ARHGEF38: variants seen among roughly 807,000 people sequenced by gnomAD.
ARHGEF38 encodes Rho guanine nucleotide exchange factor (GEF) 38.
ARHGEF38 carries 79 observed loss-of-function variants against 79.9 expected under a neutral mutation model. The observed-to-expected ratio is 0.99, with a 90% CI of 0.82 to 1.19. ARHGEF38 has a LOEUF of 1.19. ARHGEF38 is among the 50% of genes most tolerant of loss of function. The probability of loss-of-function intolerance (pLI) is 0.00; values close to 1 mark genes in which losing one functional copy is unlikely to be tolerated. For synonymous variants in ARHGEF38, 366 were observed against 328.3 expected, an observed-to-expected ratio of 1.11 and a Z score of -1.24; for missense variants, 962 against 907.2, an observed-to-expected ratio of 1.06 and a Z score of -0.78.
At position 105,609,980 on chromosome 4, in the gene ARHGEF38, G is replaced by A. The variant is rs577702649; in HGVS notation, c.385-3404G>A. Among the ~76,000 whole-genome samples the A allele has an allele frequency of 4.3e-3, 650 of 152,148 alleles. 8 individuals are homozygous for A. Among genetic ancestry groups the A allele is most frequent in the African/African-American group, 0.015 (603 of 41,536 alleles). On this transcript the variant is annotated intron_variant, in intron 2 of 13. Coordinates refer to ENST00000420470, the MANE Select transcript of ARHGEF38 (RefSeq NM_001242729.2). Reference sequence around the variant, plus strand: ...CCCAAATGCCCATCCATGATAGACCGGATAAAGAAAATGTGGTACATATAC... The same window carrying A: ...CCCAAATGCCCATCCATGATAGACCAGATAAAGAAAATGTGGTACATATAC...
chr4:105,674,884 C>T (rs917750281), intron 13 of ARHGEF38, among the ~76,000 whole-genome samples: 6 of 151,990 alleles, frequency 3.9e-5, no homozygotes, highest in Admixed American at 3.9e-4. Flanking sequence ...TAGAAATGTT[C>T]TATTAGTAGG....
At chr4:105,619,087 A>C (rs972468765) in intron 3 of ARHGEF38, among the ~76,000 whole-genome samples, 4 of 152,190 alleles carry the variant, frequency 2.6e-5, no homozygotes, top group Non-Finnish European at 5.9e-5. Flanking sequence ...ACTTTGAGGA[A>C]AATTACAGAA....
intron 1 of ARHGEF38, among the ~76,000 whole-genome samples, chr4:105,556,249 G>A (rs554390867): frequency 1.3e-5 from 2 of 152,252 alleles, no homozygotes; most frequent in East Asian, 3.9e-4. Flanking sequence ...TGTCTTGAGG[G>A]TTACAATGAA....
At chr4:105,562,136 T>A (rs1725663631) in intron 1 of ARHGEF38, among the ~76,000 whole-genome samples, 1 of 152,198 alleles carries the variant, frequency 6.6e-6, no homozygotes, top group Non-Finnish European at 1.5e-5. Context: ...CCTTCCTGCA[T>A]CTGCTATTGA....
At chr4:105,653,481 C>A (rs1730193154) in intron 7 of ARHGEF38, among the ~76,000 whole-genome samples, 1 of 152,052 alleles carries the variant, frequency 6.6e-6, no homozygotes, top group Non-Finnish European at 1.5e-5. Flanking sequence ...CACCACCAGG[C>A]CTGGCTACTT....
In ARHGEF38 at chr4:105,679,170, G is replaced by T; in HGVS notation, c.*1233G>T. On this transcript the variant is annotated 3_prime_UTR_variant, in exon 14 of 14. Transcript: ENST00000420470. ...GTCGACTCTCTCTACCTGACCAATT[G>T]CCAGATCGACAACCTGACTGGCCTG... 2 of 609,754 alleles carry T rather than the reference G, an allele frequency of 3.3e-6. No homozygotes were observed. The highest frequency in any genetic ancestry group is 2.1e-5 in the South Asian group (1 of 47,792). 37.8% of individuals were successfully genotyped at this position (609,754 alleles called of 1,614,324 possible). A position where few individuals can be genotyped will look rare whatever the true frequency, so the allele number is the denominator to read the frequency against.
chr4:105,613,683 G>A (rs538466186), intron 3 of ARHGEF38, among the ~76,000 whole-genome samples, 176 bp downstream of exon 3: 7 of 152,176 alleles, frequency 4.6e-5, no homozygotes, highest in Admixed American at 1.3e-4. Flanking sequence ...TTTCAAATGG[G>A]TTTATATCCA....
At chr4:105,568,955 C>A (rs546931999) in intron 1 of ARHGEF38, among the ~76,000 whole-genome samples, 10 of 152,114 alleles carry the variant, frequency 6.6e-5, no homozygotes, top group African/African-American at 2.4e-4. Flanking sequence ...TGAAATTATT[C>A]ACTACAACTA....
chr4:105,655,532 C>T, intron 8 of ARHGEF38, 71 bp from the exon 9 acceptor site: 1 of 1,458,766 alleles, frequency 6.9e-7, no homozygotes. Context: ...TGATGAAGTC[C>T]ACATTTGGGA....
intron 3 of ARHGEF38, among the ~76,000 whole-genome samples, chr4:105,622,610 C>A (rs549913691): frequency 3.9e-5 from 6 of 152,252 alleles, no homozygotes; most frequent in Admixed American, 3.9e-4. Context: ...ATTTTTCTCA[C>A]GTCACAAGAA....
chr4:105,564,836 C>G (rs189568516), intron 1 of ARHGEF38, among the ~76,000 whole-genome samples: 1 of 152,264 alleles, frequency 6.6e-6, no homozygotes, highest in East Asian at 1.9e-4. Flanking sequence ...ATATGAGTGG[C>G]CAATGGCCTG....
At chr4:105,567,573 A>T (rs1285897044) in intron 1 of ARHGEF38, among the ~76,000 whole-genome samples, 1 of 152,228 alleles carries the variant, frequency 6.6e-6, no homozygotes, top group Non-Finnish European at 1.5e-5. Flanking sequence ...AGAAGTACAT[A>T]GACATCAGTT....
intron 2 of ARHGEF38, among the ~76,000 whole-genome samples, chr4:105,610,690 G>T (rs11945534): frequency 0.01 from 1,585 of 152,118 alleles, 27 homozygotes; most frequent in African/African-American, 0.036. Context: ...TGATATGGGC[G>T]TTTGAAATCA....
At chr4:105,576,575 GA>G in intron 1 of ARHGEF38, among the ~76,000 whole-genome samples, 1 of 152,148 alleles carries the variant, frequency 6.6e-6, no homozygotes, top group East Asian at 1.9e-4. Context: ...TCTTTTGAAG[GA>G]AAATTTAGGG....
At chr4:105,651,024 C>T (rs968317505) in intron 7 of ARHGEF38, among the ~76,000 whole-genome samples, 2 of 152,156 alleles carry the variant, frequency 1.3e-5, no homozygotes, top group Non-Finnish European at 2.9e-5. Flanking sequence ...ATTCCCCCCC[C>T]AAGTCTTTGG....
At chr4:105,674,798 A>T (rs1457430836) in intron 13 of ARHGEF38, among the ~76,000 whole-genome samples, 2 of 152,102 alleles carry the variant, frequency 1.3e-5, no homozygotes, top group Admixed American at 6.5e-5. Context: ...CTATAATTTC[A>T]TACCAAACAG....
chr4:105,649,720 C>T (rs550394338), intron 7 of ARHGEF38, among the ~76,000 whole-genome samples: 6 of 152,220 alleles, frequency 3.9e-5, no homozygotes, highest in Admixed American at 1.3e-4. Flanking sequence ...GGTCTTTTCT[C>T]CTTCCGTTAA....
chr4:105,622,620 A>G (rs1728782885), intron 3 of ARHGEF38, among the ~76,000 whole-genome samples: 1 of 152,168 alleles, frequency 6.6e-6, no homozygotes, highest in Admixed American at 6.5e-5. Context: ...CGTCACAAGA[A>G]ATCCGTAACT....
At chr4:105,557,327 G>A (rs772119930) in intron 1 of ARHGEF38, among the ~76,000 whole-genome samples, 1 of 151,842 alleles carries the variant, frequency 6.6e-6, no homozygotes, top group Non-Finnish European at 1.5e-5. Context: ...GCAATGATTA[G>A]ACTTTTTATT....
Sources: allele counts gnomAD v4.1 joint callset (sites outside exome capture counted in the v4.1 genomes callset), GRCh38; gene constraint gnomAD v4.1.1; transcripts MANE v1.5; gene names NCBI Gene and HGNC (gene_info 2026-07-23, HGNC 2026-07-21).